The following MAPK10 variants were observed in gnomAD, a reference collection of about 807,000 sequenced individuals.
MAPK10 encodes the protein JNK3 alpha protein kinase.
Under a neutral mutation model 59.3 loss-of-function variants are expected in MAPK10, and 25 were observed. The ratio of observed to expected loss-of-function variants is 0.42; its 90% CI spans 0.31 to 0.59. The LOEUF (loss-of-function observed/expected upper bound fraction) is 0.59, where lower values mean the gene tolerates loss of function less well. Ranked by LOEUF, MAPK10 falls within the 20% of genes least tolerant of loss-of-function variation. MAPK10 has a pLI of 0.15. For synonymous variants in MAPK10, 190 were observed against 200.5 expected, an observed-to-expected ratio of 0.95 and a Z score of 0.44; for missense variants, 351 against 568.9, an observed-to-expected ratio of 0.62 and a Z score of 3.90.
At chr4:86,580,963 C>T (rs1450791591) in intron 1 of MAPK10, among the ~76,000 whole-genome samples, 1 of 152,180 alleles carries the variant, frequency 6.6e-6, no homozygotes, top group African/African-American at 2.4e-5. Context: ...CTCTGTGGCC[C>T]TTCCAAGATT....
chr4:86,473,570 CAT>C (rs1312518799), intron 1 of MAPK10, among the ~76,000 whole-genome samples: 2 of 152,312 alleles, frequency 1.3e-5, no homozygotes, highest in Middle Eastern at 3.4e-3. Context: ...CTGCTACTCA[CAT>C]AGAGGCCCAA....
chr4:86,385,552 A>G (rs1215012743), intron 1 of MAPK10, among the ~76,000 whole-genome samples: 1 of 152,220 alleles, frequency 6.6e-6, no homozygotes, highest in Non-Finnish European at 1.5e-5. Context: ...AATTAATCAT[A>G]TATCTTTAAT....
At chr4:86,206,446 T>C (rs2084000152) in intron 2 of MAPK10, among the ~76,000 whole-genome samples, 2 of 152,060 alleles carry the variant, frequency 1.3e-5, no homozygotes, top group Admixed American at 6.6e-5. Flanking sequence ...AGTCTATCAT[T>C]GTTGGACATT....
intron 1 of MAPK10, among the ~76,000 whole-genome samples, chr4:86,548,151 G>A (rs943389948): frequency 3.9e-5 from 6 of 152,060 alleles, no homozygotes; most frequent in African/African-American, 1.4e-4. Context: ...TCACCGCGAA[G>A]GTCTGCAGCT....
At chr4:86,359,627 T>C (rs1399952887) in intron 1 of MAPK10, 31 bp downstream of exon 1, 25 of 970,276 alleles carry the variant, frequency 2.6e-5, no homozygotes, top group Non-Finnish European at 3.1e-5. Flanking sequence ...AAAAACAGGT[T>C]AGAACCCAGA....
At chr4:86,567,852 T>C (rs1761167508) in intron 1 of MAPK10, among the ~76,000 whole-genome samples, 1 of 152,202 alleles carries the variant, frequency 6.6e-6, no homozygotes, top group East Asian at 1.9e-4. Flanking sequence ...AAGGAAAAAA[T>C]AGTCAACATC....
At chr4:86,281,799 C>T (rs1286769852) in intron 2 of MAPK10, among the ~76,000 whole-genome samples, 1 of 151,870 alleles carries the variant, frequency 6.6e-6, no homozygotes, top group African/African-American at 2.4e-5. Flanking sequence ...GTCTATTATT[C>T]ATGGAGACTT....
intron 12 of MAPK10, among the ~76,000 whole-genome samples, chr4:86,031,019 T>G (rs1471910858): frequency 2.6e-5 from 4 of 152,262 alleles, no homozygotes; most frequent in Admixed American, 6.5e-5. Context: ...CTTCATATGA[T>G]GATTTTATGT....
At chr4:86,345,258 C>G (rs1327293299) in intron 2 of MAPK10, among the ~76,000 whole-genome samples, 5 of 152,248 alleles carry the variant, frequency 3.3e-5, no homozygotes, top group Admixed American at 2.6e-4. Flanking sequence ...CAAGGTACCC[C>G]ACTTGGATGA....
intron 3 of MAPK10, among the ~76,000 whole-genome samples, chr4:86,163,244 C>T (rs2070448611): frequency 6.6e-6 from 1 of 151,948 alleles, no homozygotes; most frequent in African/African-American, 2.4e-5. Context: ...AAAGAGCTTC[C>T]CCCAGATCCC....
rs1184597010 is a variant in MAPK10 at position 86,354,577 on chromosome 4, A to C, written c.-54T>G. 8.1e-7 allele frequency: 1 copy of C among 1,231,414 alleles called. No homozygotes were observed. The highest frequency in any genetic ancestry group is 1.0e-6 in the Non-Finnish European group (1 of 987,470). 76.3% of individuals were successfully genotyped at this position (1,231,414 alleles called of 1,614,324 possible). A position where few individuals can be genotyped will look rare whatever the true frequency, so the allele number is the denominator to read the frequency against. On this transcript the variant is annotated 5_prime_UTR_variant, in exon 2 of 14. Coordinates refer to ENST00000641462, the MANE Select transcript of MAPK10 (RefSeq NM_138982.4). ...CTATAGGAAACGGGTCTAATTCAACAGTTTCTTGCATAAGTTGCCATAGTG... is the reference window on the plus strand; with the variant it reads ...CTATAGGAAACGGGTCTAATTCAACCGTTTCTTGCATAAGTTGCCATAGTG...
At position 86,348,556 on chromosome 4, in the gene MAPK10, A is replaced by C. The variant is rs576113370; in HGVS notation, c.-7+5974T>G. Among the ~76,000 whole-genome samples, 7 of 152,298 alleles carry C rather than the reference A, an allele frequency of 4.6e-5. No individual in the cohort carries two copies. The South Asian group carries it at 1.5e-3, about 32-fold the overall frequency. ...TTTAGTTCAATCTCCCACACAAAGTAGTATCATCTCTAAAAAGCTCTTCAT... is the reference window on the plus strand; with the variant it reads ...TTTAGTTCAATCTCCCACACAAAGTCGTATCATCTCTAAAAAGCTCTTCAT... On this transcript the variant is annotated intron_variant, in intron 2 of 13. Transcript: ENST00000641462.
intron 2 of MAPK10, among the ~76,000 whole-genome samples, chr4:86,284,253 G>T: frequency 6.6e-6 from 1 of 152,094 alleles, no homozygotes; most frequent in East Asian, 1.9e-4. Flanking sequence ...TAAGTAATTT[G>T]CCCAAGAACA....
intron 10 of MAPK10, among the ~76,000 whole-genome samples, chr4:86,067,543 G>T (rs2046995222): frequency 6.6e-6 from 1 of 152,118 alleles, no homozygotes; most frequent in Non-Finnish European, 1.5e-5. Flanking sequence ...GCCAATTAAA[G>T]AATTGATCAA....
chr4:86,160,953 A>G lies in MAPK10; in HGVS notation c.67-1486T>C, dbSNP rs1216314930. 2.0e-5 allele frequency among the ~76,000 whole-genome samples: 3 copies of G among 149,102 alleles called. No homozygotes were observed. In the Admixed American group the frequency reaches 2.1e-4, roughly 10 times the overall value. Reference sequence around the variant, plus strand: ...TTTCCCCATATTCACTTAGAAAGGGATCCAAGCAGCATCAGTGATGTAAAT... The same window carrying G: ...TTTCCCCATATTCACTTAGAAAGGGGTCCAAGCAGCATCAGTGATGTAAAT... On this transcript the variant is annotated intron_variant, in intron 3 of 13. Coordinates refer to ENST00000641462, the MANE Select transcript of MAPK10 (RefSeq NM_138982.4).
chr4:86,225,153 C>T (rs1194096886), intron 2 of MAPK10, among the ~76,000 whole-genome samples: 2 of 152,208 alleles, frequency 1.3e-5, no homozygotes, highest in Admixed American at 6.5e-5. Context: ...CCTAGAAATC[C>T]GTGCTTGGAA....
intron 11 of MAPK10, among the ~76,000 whole-genome samples, chr4:86,063,914 G>A (rs1171283305): frequency 6.6e-6 from 1 of 151,930 alleles, no homozygotes; most frequent in Non-Finnish European, 1.5e-5. Context: ...TACAAGCTAA[G>A]CAACTTGTCC....
In MAPK10 at chr4:86,541,018, C is replaced by A. The variant is rs77320816; in HGVS notation, c.-263+52892G>T. Among the ~76,000 whole-genome samples, 61 of 152,238 alleles carry A rather than the reference C, an allele frequency of 4.0e-4. No homozygotes were observed. The East Asian group carries it at 0.012, about 29-fold the overall frequency. Reference sequence around the variant, plus strand: ...CCACTTTCAGAATGCCCACTGATAACGCAGGGTGGCTGCAAAGAGTATGAA... The same window carrying A: ...CCACTTTCAGAATGCCCACTGATAAAGCAGGGTGGCTGCAAAGAGTATGAA... On this transcript the variant is annotated intron_variant, in intron 1 of 4. Transcript: ENST00000502302.
At chr4:86,076,049 C>T (rs1468582126) in intron 9 of MAPK10, among the ~76,000 whole-genome samples, 5 of 152,062 alleles carry the variant, frequency 3.3e-5, no homozygotes, top group Middle Eastern at 3.2e-3. Context: ...CAGCGAGATT[C>T]CGTGGGCGTA....
Sources: gnomAD v4.1 joint callset for allele counts (sites outside exome capture counted in the v4.1 genomes callset) on GRCh38, gnomAD v4.1.1 for gene constraint, MANE v1.5 for transcripts, NCBI Gene and HGNC (gene_info 2026-07-23, HGNC 2026-07-21) for gene names.